The following GTF2F2 variants were observed in gnomAD, a reference collection of about 807,000 sequenced individuals.
The protein encoded by GTF2F2 is general transcription factor IIF subunit 2, also known as ATP-dependent helicase GTF2F2.
GTF2F2 carries 23 observed loss-of-function variants against 42.2 expected under a neutral mutation model. The observed-to-expected ratio is 0.55, with a 90% CI of 0.39 to 0.77. GTF2F2 has a LOEUF of 0.77. Among genes scored for constraint, GTF2F2 ranks in the 30% least tolerant of loss-of-function variants. The probability of loss-of-function intolerance (pLI) is 0.00; values close to 1 mark genes in which losing one functional copy is unlikely to be tolerated. For synonymous variants in GTF2F2, 105 were observed against 100.8 expected (o/e 1.04, Z -0.25); for missense variants, 261 against 287.2 (o/e 0.91, Z 0.66).
intron 6 of GTF2F2, among the ~76,000 whole-genome samples, chr13:45,254,504 C>T (rs919575447): frequency 1.3e-5 from 2 of 152,108 alleles, no homozygotes; most frequent in Non-Finnish European, 2.9e-5. Context: ...CTGAGTGCTT[C>T]GTAAGTAATG....
At chr13:45,135,475 G>T (rs1471076185) in intron 1 of GTF2F2, among the ~76,000 whole-genome samples, 2 of 150,572 alleles carry the variant, frequency 1.3e-5, no homozygotes, top group African/African-American at 2.5e-5. Flanking sequence ...GGTCAGGCTG[G>T]TCTTGAACTC....
chr13:45,280,749 C>T (rs1440947481), intron 7 of GTF2F2, among the ~76,000 whole-genome samples: 1 of 152,120 alleles, frequency 6.6e-6, no homozygotes, highest in African/African-American at 2.4e-5. Flanking sequence ...TTTTGTTTAA[C>T]CCTTTTTAGG....
chr13:45,256,401 A>T (rs1876106843), intron 6 of GTF2F2, among the ~76,000 whole-genome samples: 1 of 152,198 alleles, frequency 6.6e-6, no homozygotes, highest in Non-Finnish European at 1.5e-5. Flanking sequence ...TGAACTCCTT[A>T]GTATATAAAG....
chr13:45,190,631 G>A (rs1872578347), intron 4 of GTF2F2, among the ~76,000 whole-genome samples: 1 of 152,164 alleles, frequency 6.6e-6, no homozygotes, highest in Non-Finnish European at 1.5e-5. Flanking sequence ...TTAATTGAGA[G>A]AATGTATGTT....
intron 5 of GTF2F2, among the ~76,000 whole-genome samples, chr13:45,232,128 C>A (rs1182102234): frequency 6.6e-6 from 1 of 152,168 alleles, no homozygotes; most frequent in Non-Finnish European, 1.5e-5. Flanking sequence ...TTCATACTTA[C>A]ATATATCAGA....
chr13:45,259,570 G>C (rs1393357899), intron 6 of GTF2F2, among the ~76,000 whole-genome samples: 1 of 150,360 alleles, frequency 6.7e-6, no homozygotes, highest in African/African-American at 2.4e-5. Flanking sequence ...ACTTTTTATA[G>C]TTCTGCCATC....
intron 4 of GTF2F2, among the ~76,000 whole-genome samples, chr13:45,163,974 C>T (rs1318207057): frequency 6.6e-6 from 1 of 151,998 alleles, no homozygotes; most frequent in Non-Finnish European, 1.5e-5. Context: ...GCTGACCTGA[C>T]GAAACCCCGT....
intron 2 of GTF2F2, among the ~76,000 whole-genome samples, chr13:45,148,904 T>C (rs1870339361): frequency 6.6e-6 from 1 of 152,196 alleles, no homozygotes; most frequent in South Asian, 2.1e-4. Context: ...ATTTTAAAAC[T>C]TATTTTTTGC....
intron 1 of GTF2F2, among the ~76,000 whole-genome samples, chr13:45,130,250 T>C (rs1869264252): frequency 6.6e-6 from 1 of 152,210 alleles, no homozygotes; most frequent in Admixed American, 6.5e-5. Context: ...TGTGAGACTT[T>C]GGGCAAATAA....
intron 7 of GTF2F2, among the ~76,000 whole-genome samples, chr13:45,280,435 A>G (rs1053426158): frequency 1.3e-5 from 2 of 152,112 alleles, no homozygotes; most frequent in Non-Finnish European, 2.9e-5. Context: ...TTTTATACCT[A>G]CTTCCCTGCC....
intron 4 of GTF2F2, among the ~76,000 whole-genome samples, chr13:45,152,056 C>T (rs1227684607): frequency 6.6e-6 from 1 of 151,796 alleles, no homozygotes; most frequent in Non-Finnish European, 1.5e-5. Context: ...GCTGGGATTA[C>T]AGGCATGCGC....
Position 45,283,446 on chromosome 13 carries a change from A to T in GTF2F2, c.635A>T (p.Tyr212Phe). ...LVDITKQPVV[Y>F]LKEILKEIGV... Reference sequence around the variant, plus strand: ...GGGGTTTTGTTTTTGTTTTAGGTGTACCTGAAGGAAATCTTAAAAGAAATT... The same window carrying T: ...GGGGTTTTGTTTTTGTTTTAGGTGTTCCTGAAGGAAATCTTAAAAGAAATT... Residue 212 changes from tyrosine (Y) to phenylalanine (F), a missense_variant, in exon 8 of 8, where the codon TAC (tyrosine) becomes TTC (phenylalanine). Tyr to Phe is a conservative substitution (Grantham distance 22, BLOSUM62 3). Coordinates refer to ENST00000340473, the MANE Select transcript of GTF2F2 (RefSeq NM_004128.3). 6.2e-7 allele frequency: 1 copy of T among 1,610,018 alleles called. No individual in the cohort carries two copies. The highest frequency in any genetic ancestry group is 8.5e-7 in the Non-Finnish European group (1 of 1,178,024).
intron 5 of GTF2F2, among the ~76,000 whole-genome samples, chr13:45,225,330 A>T (rs529635643): frequency 6.6e-6 from 1 of 151,658 alleles, no homozygotes; most frequent in African/African-American, 2.4e-5. Context: ...TTTGAAATCA[A>T]TCACTTAATG....
At chr13:45,132,786 G>A (rs931149979) in intron 1 of GTF2F2, among the ~76,000 whole-genome samples, 1 of 152,020 alleles carries the variant, frequency 6.6e-6, no homozygotes, top group Non-Finnish European at 1.5e-5. Flanking sequence ...GCTTTTTCTC[G>A]GTGGAAGAGG....
At chr13:45,238,759 A>C (rs894786133) in intron 5 of GTF2F2, among the ~76,000 whole-genome samples, 2 of 152,122 alleles carry the variant, frequency 1.3e-5, no homozygotes, top group Admixed American at 6.5e-5. Context: ...AGCCTGACCA[A>C]CATGGAGAAA....
At chr13:45,132,442 T>C (rs1431631512) in intron 1 of GTF2F2, among the ~76,000 whole-genome samples, 1 of 151,924 alleles carries the variant, frequency 6.6e-6, no homozygotes, top group Non-Finnish European at 1.5e-5. Flanking sequence ...TGTTTTTTTT[T>C]TTTGGTTTGT....
chr13:45,209,160 C>G (rs1873532200), intron 5 of GTF2F2, among the ~76,000 whole-genome samples: 1 of 152,192 alleles, frequency 6.6e-6, no homozygotes, highest in Non-Finnish European at 1.5e-5. Flanking sequence ...GCTGAAAGAT[C>G]AGCTGTTACA....
At chr13:45,138,627 A>G (rs1172218739) in intron 2 of GTF2F2, among the ~76,000 whole-genome samples, 4 of 152,212 alleles carry the variant, frequency 2.6e-5, no homozygotes, top group African/African-American at 9.6e-5. Flanking sequence ...AGTGACGATT[A>G]TGATGTGAGT....
intron 4 of GTF2F2, among the ~76,000 whole-genome samples, chr13:45,200,599 C>G (rs1873133278): frequency 1.3e-5 from 2 of 152,124 alleles, no homozygotes; most frequent in Admixed American, 1.3e-4. Context: ...TGGCAAAATT[C>G]CTGAAGATCA....
Sources: gnomAD v4.1 joint callset for allele counts (sites outside exome capture counted in the v4.1 genomes callset) on GRCh38, gnomAD v4.1.1 for gene constraint, MANE v1.5 for transcripts, NCBI Gene and HGNC (gene_info 2026-07-23, HGNC 2026-07-21) for gene names.